HECW2: variants seen among roughly 807,000 people sequenced by gnomAD.
HECW2 encodes the protein HECT, C2 and WW domain containing E3 ubiquitin protein ligase 2.
In HECW2, 61 loss-of-function variants were observed where a neutral mutation model predicts 175.2. The ratio of observed to expected loss-of-function variants is 0.35; its 90% confidence interval spans 0.28 to 0.43. The LOEUF (loss-of-function observed/expected upper bound fraction) is 0.43. HECW2 is among the 20% of genes least tolerant of loss of function. The pLI, the probability that HECW2 is intolerant of heterozygous loss-of-function variation, is 1.00. For synonymous variants in HECW2, 671 were observed against 731.0 expected (o/e 0.92, Z 1.32); for missense variants, 1,524 against 2,000.5 (o/e 0.76, Z 4.54).
chr2:196,420,169 C>CA (rs1218232631), intron 2 of HECW2, among the ~76,000 whole-genome samples: 1 of 152,186 alleles, frequency 6.6e-6, no homozygotes, highest in Non-Finnish European at 1.5e-5. Flanking sequence ...CCCTTAACGT[C>CA]ACCACTAAAT....
intron 10 of HECW2, among the ~76,000 whole-genome samples, chr2:196,308,370 C>T (rs2105715334): frequency 6.6e-6 from 1 of 152,138 alleles, no homozygotes; most frequent in East Asian, 1.9e-4. Flanking sequence ...ACGTATGAGC[C>T]CCAGCATTTT....
intron 2 of HECW2, among the ~76,000 whole-genome samples, chr2:196,421,572 T>C (rs1695408444): frequency 6.6e-6 from 1 of 152,182 alleles, no homozygotes; most frequent in Admixed American, 6.5e-5. Context: ...GTATGTATAG[T>C]AAGGAATTAT....
intron 1 of HECW2, among the ~76,000 whole-genome samples, chr2:196,489,071 T>C (rs894653992): frequency 6.6e-6 from 1 of 152,228 alleles, no homozygotes; most frequent in Non-Finnish European, 1.5e-5. Context: ...TTACCTTTTG[T>C]TCTTGTAGTC....
chr2:196,554,481 T>A (rs1689728971), intron 1 of HECW2, among the ~76,000 whole-genome samples: 1 of 152,180 alleles, frequency 6.6e-6, no homozygotes, highest in Non-Finnish European at 1.5e-5. Flanking sequence ...ACTAACTAAA[T>A]GTTAGTAAAA....
chr2:196,539,130 T>C (rs915475875), intron 1 of HECW2, among the ~76,000 whole-genome samples: 6 of 152,140 alleles, frequency 3.9e-5, no homozygotes, highest in Admixed American at 6.5e-5. Context: ...GGTAGTTTGG[T>C]GGAGAAACTC....
In HECW2 at chr2:196,306,622, G is replaced by A; in HGVS notation, c.2690-10C>T. 6.2e-7 allele frequency: 1 copy of A among 1,607,802 alleles called. No homozygotes were observed. Among genetic ancestry groups the A allele is most frequent in the Non-Finnish European group, 8.5e-7 (1 of 1,177,196 alleles). On this transcript the variant is annotated splice_polypyrimidine_tract_variant and intron_variant, in intron 12 of 28. Transcript: ENST00000644978. ...TTCTCCCGTCGGAAATCTAGATGGG[G>A]CAGACCACAGAGGCGGTCAGGGAAA...
At chr2:196,559,782 T>C (rs776634184) in intron 1 of HECW2, among the ~76,000 whole-genome samples, 10 of 152,192 alleles carry the variant, frequency 6.6e-5, no homozygotes, top group Non-Finnish European at 1.5e-4. Flanking sequence ...TTTTTGAAAA[T>C]AATAGTCATT....
intron 2 of HECW2, among the ~76,000 whole-genome samples, chr2:196,358,377 C>T (rs1046703111): frequency 2.6e-5 from 4 of 151,672 alleles, no homozygotes; most frequent in Admixed American, 6.6e-5. Context: ...AGTTCGAGAT[C>T]GGCCTGACCA....
chr2:196,322,731 T>G (rs557953687), intron 6 of HECW2, 111 bp from the exon 7 acceptor site: 336 of 912,878 alleles, frequency 3.7e-4, no homozygotes, highest in Non-Finnish European at 3.5e-4. Flanking sequence ...ACATACAGAG[T>G]TCCACATAGC....
intron 1 of HECW2, among the ~76,000 whole-genome samples, chr2:196,533,081 C>T (rs1312929423): frequency 6.6e-6 from 1 of 152,092 alleles, no homozygotes; most frequent in Non-Finnish European, 1.5e-5. Context: ...CTATTCTTAC[C>T]TTAAATAAGA....
intron 28 of HECW2, among the ~76,000 whole-genome samples, chr2:196,214,711 T>C (rs1254002837): frequency 1.3e-5 from 2 of 152,248 alleles, no homozygotes; most frequent in African/African-American, 4.8e-5. Context: ...TGAGCAGTCA[T>C]TCTTTATCGC....
chr2:196,219,958 C>T, intron 26 of HECW2, 81 bp downstream of exon 26: 1 of 885,146 alleles, frequency 1.1e-6, no homozygotes, highest in Non-Finnish European at 1.9e-6. Flanking sequence ...TGTTGCCTGT[C>T]CTATATTCAG....
At chr2:196,524,918 AGGTGT>A (rs1688574369) in intron 1 of HECW2, among the ~76,000 whole-genome samples, 1 of 135,872 alleles carries the variant, frequency 7.4e-6, no homozygotes, top group Non-Finnish European at 1.5e-5. Flanking sequence ...ATTTTGGAAT[AGGTGT>A]GGTGTGGTGC....
chr2:196,257,513 C>T (rs565206465), intron 18 of HECW2, among the ~76,000 whole-genome samples: 1 of 150,276 alleles, frequency 6.7e-6, no homozygotes, highest in African/African-American at 2.5e-5. Context: ...ACGGTGGATG[C>T]CTTGTTCAGA....
At chr2:196,424,570 G>A (rs555625339) in intron 2 of HECW2, among the ~76,000 whole-genome samples, 2 of 152,186 alleles carry the variant, frequency 1.3e-5, no homozygotes, top group East Asian at 3.9e-4. Context: ...AAGTGAAACA[G>A]CCTTATTATT....
In HECW2 at chr2:196,443,825, T is replaced by C. The variant is rs190621966; in HGVS notation, c.-35-10367A>G. Among the ~76,000 whole-genome samples the C allele has an allele frequency of 1.7e-3, 257 of 152,112 alleles. 6 individuals carry two copies. Among genetic ancestry groups the C allele is most frequent in the Admixed American group, 0.015 (225 of 15,274 alleles). On this transcript the variant is annotated intron_variant, in intron 1 of 28. Coordinates refer to ENST00000644978, the MANE Select transcript of HECW2 (RefSeq NM_001348768.2). ...TGGGCAGACTGCCTGAGTTCAGGAG[T>C]TGGAGACCAGCCTGGCCTGGGCAAC...
At chr2:196,578,699 T>A (rs1446995119) in intron 1 of HECW2, among the ~76,000 whole-genome samples, 1 of 152,142 alleles carries the variant, frequency 6.6e-6, no homozygotes, top group African/African-American at 2.4e-5. Context: ...GGCAGCAGTA[T>A]AACAATTCAA....
chr2:196,440,188 G>A (rs564862169), intron 1 of HECW2, among the ~76,000 whole-genome samples: 1 of 152,236 alleles, frequency 6.6e-6, no homozygotes, highest in East Asian at 1.9e-4. Flanking sequence ...ATATTCAAAT[G>A]CAAGTCTCTG....
chr2:196,507,924 T>G (rs1385816089), intron 1 of HECW2, among the ~76,000 whole-genome samples: 1 of 152,188 alleles, frequency 6.6e-6, no homozygotes, highest in African/African-American at 2.4e-5. Context: ...GCAGCTAATT[T>G]TTTCTCCTGT....
Sources: allele counts gnomAD v4.1 joint callset (sites outside exome capture counted in the v4.1 genomes callset), GRCh38; gene constraint gnomAD v4.1.1; transcripts MANE v1.5; gene names NCBI Gene and HGNC (gene_info 2026-07-23, HGNC 2026-07-21).